ARHGAP42: variants seen among roughly 807,000 people sequenced by gnomAD.
ARHGAP42 encodes rho GTPase-activating protein 42.
ARHGAP42 carries 63 observed loss-of-function variants against 125.0 expected under a neutral mutation model. The observed-to-expected ratio is 0.50, with a 90% CI of 0.41 to 0.62. ARHGAP42 has a LOEUF of 0.62. ARHGAP42 is among the 20% of genes least tolerant of loss of function. ARHGAP42 has a pLI of 0.00. For synonymous variants in ARHGAP42, 339 were observed against 351.0 expected (o/e 0.97, Z 0.38); for missense variants, 766 against 1,024.2 (o/e 0.75, Z 3.44).
chr11:100,893,343 A>G (rs976887870), intron 4 of ARHGAP42, among the ~76,000 whole-genome samples: 1 of 152,134 alleles, frequency 6.6e-6, no homozygotes, highest in Non-Finnish European at 1.5e-5. Context: ...AGTATAGGAA[A>G]GAACAAATAG....
At chr11:100,719,839 C>T (rs1861730315) in intron 1 of ARHGAP42, among the ~76,000 whole-genome samples, 1 of 152,156 alleles carries the variant, frequency 6.6e-6, no homozygotes, top group Non-Finnish European at 1.5e-5. Flanking sequence ...GAGAAGTGTG[C>T]TTGAAAAGAG....
At chr11:100,872,623 C>T (rs559990406) in intron 4 of ARHGAP42, among the ~76,000 whole-genome samples, 5 of 152,112 alleles carry the variant, frequency 3.3e-5, no homozygotes, top group African/African-American at 9.7e-5. Flanking sequence ...GAACTCCTGA[C>T]GTCAGGTGAT....
intron 1 of ARHGAP42, among the ~76,000 whole-genome samples, chr11:100,747,831 C>CA (rs75695106): frequency 0.54 from 81,472 of 151,880 alleles, 22,444 homozygotes; most frequent in African/African-American, 0.68. Flanking sequence ...CCTTTTATAA[C>CA]TTTTTTTTCA....
In ARHGAP42 at chr11:100,733,930, G is replaced by GTTT. The variant is rs774845588; in HGVS notation, c.155-36392_155-36390dup. ...AGAAACTTCCTTCCAAAGCAAAGTTGTTTTTTTTTTTTTTTTTTTTTTTAA... is the reference window on the plus strand; with the variant it reads ...AGAAACTTCCTTCCAAAGCAAAGTTGTTTTTTTTTTTTTTTTTTTTTTTTTTAA... On this transcript the variant is annotated intron_variant, in intron 1 of 23. Coordinates refer to ENST00000298815, the MANE Select transcript of ARHGAP42 (RefSeq NM_152432.4). Among the ~76,000 whole-genome samples, 559 of 113,316 alleles carry GTTT rather than the reference G, an allele frequency of 4.9e-3. 10 individuals carry two copies. Among genetic ancestry groups the GTTT allele is most frequent in the African/African-American group, 0.016 (511 of 31,176 alleles). The allele number at this position is 113,316 out of a possible 152,430, so 74.3% of individuals were successfully genotyped here.
At chr11:100,936,019 G>A (rs527433) in intron 7 of ARHGAP42, among the ~76,000 whole-genome samples, 184 bp from the exon 8 acceptor site, 41,598 of 151,724 alleles carry the variant, frequency 0.27, 7,016 homozygotes, top group East Asian at 0.75. Context: ...CTGCTTGTGG[G>A]GACTGAGGCA....
chr11:100,708,122 T>G (rs1429645792), intron 1 of ARHGAP42, among the ~76,000 whole-genome samples: 1 of 152,190 alleles, frequency 6.6e-6, no homozygotes, highest in African/African-American at 2.4e-5. Context: ...TCCTCATTTT[T>G]GCAGTGTGGA....
In ARHGAP42 at chr11:100,976,962, C is replaced by G; in HGVS notation, c.2384C>G (p.Pro795Arg). The G allele has an allele frequency of 6.4e-7, 1 of 1,551,344 alleles. No homozygotes were observed. Among genetic ancestry groups the G allele is most frequent in the Non-Finnish European group, 8.7e-7 (1 of 1,146,770 alleles). ...GCCTCAAGCAATGGCTATCAGCGGC[C>G]TGGCTCAGTGTAAGTGAGCGTTTGT... ...DTASSNGYQR[P>R]GSVVAAKAQL... Residue 795 changes from proline to arginine, a missense_variant, in exon 21 of 24, where the codon CCT (proline) becomes CGT (arginine). Transcript: ENST00000298815.
At chr11:100,829,371 AAAAGACTTTC>A (rs1331952465) in intron 3 of ARHGAP42, among the ~76,000 whole-genome samples, 2 of 152,094 alleles carry the variant, frequency 1.3e-5, no homozygotes, top group Non-Finnish European at 2.9e-5. Context: ...AAAAAAAAAA[AAAAGACTTTC>A]AAGACTTTCA....
intron 10 of ARHGAP42, among the ~76,000 whole-genome samples, chr11:100,944,600 G>A (rs1867968958): frequency 6.6e-6 from 1 of 151,390 alleles, no homozygotes; most frequent in Non-Finnish European, 1.5e-5. Context: ...TTGCAGGTTA[G>A]GTTCCAAACC....
At chr11:100,691,098 G>A (rs926258691) in intron 1 of ARHGAP42, among the ~76,000 whole-genome samples, 1 of 152,144 alleles carries the variant, frequency 6.6e-6, no homozygotes, top group Non-Finnish European at 1.5e-5. Flanking sequence ...CATTAGGATT[G>A]TTTGCTCATT....
At chr11:100,718,619 A>G (rs1861706715) in intron 1 of ARHGAP42, among the ~76,000 whole-genome samples, 1 of 152,220 alleles carries the variant, frequency 6.6e-6, no homozygotes, top group African/African-American at 2.4e-5. Context: ...TGGATTTCAA[A>G]TGGTAAAATA....
intron 2 of ARHGAP42, among the ~76,000 whole-genome samples, chr11:100,783,075 C>T (rs544555916): frequency 1.3e-5 from 2 of 152,190 alleles, no homozygotes; most frequent in East Asian, 3.9e-4. Context: ...GGGTGATGAC[C>T]GTAAGATCCT....
chr11:100,722,994 A>G (rs897155383), intron 1 of ARHGAP42, among the ~76,000 whole-genome samples: 15 of 152,188 alleles, frequency 9.9e-5, no homozygotes, highest in African/African-American at 2.7e-4. Flanking sequence ...TGAAGTCTAT[A>G]TCTAGATTTA....
At chr11:100,909,859 AT>A (rs1231285487) in intron 4 of ARHGAP42, among the ~76,000 whole-genome samples, 1 of 152,132 alleles carries the variant, frequency 6.6e-6, no homozygotes, top group African/African-American at 2.4e-5. Flanking sequence ...ATTTTAATAT[AT>A]TTTTATCTTT....
chr11:100,960,232 AT>A (rs10644950), intron 13 of ARHGAP42, among the ~76,000 whole-genome samples: 2,930 of 147,484 alleles, frequency 0.02, 95 homozygotes, highest in African/African-American at 0.068. Flanking sequence ...CACCTCTTTG[AT>A]TTTTTTTTTT....
chr11:100,854,038 A>G (rs2135132123), intron 3 of ARHGAP42, among the ~76,000 whole-genome samples: 1 of 152,270 alleles, frequency 6.6e-6, no homozygotes, highest in East Asian at 1.9e-4. Flanking sequence ...AAGCTTTATA[A>G]GCAGGTCATG....
Position 100,965,705 on chromosome 11 carries a change from A to G in ARHGAP42, c.1479A>G (p.Val493=). The change falls in exon 17 of 24, where the codon GTA becomes GTG. Residue 493 remains valine (V), a synonymous_variant. Transcript: ENST00000298815. ...SDDQNYRVEA[V]HALVHKLPEK... ...ATCAAAACTACAGGGTGGAGGCTGT[A>G]CATGCATTGGTGCACAAATTGCCGG... is the stretch of plus-strand genomic sequence containing the variant. The G allele has an allele frequency of 1.3e-6, 2 of 1,550,900 alleles. No individual in the cohort carries two copies. Among genetic ancestry groups the G allele is most frequent in the Middle Eastern group, 1.9e-4 (1 of 5,254 alleles).
At chr11:100,760,458 G>A (rs978703699) in intron 1 of ARHGAP42, among the ~76,000 whole-genome samples, 23 of 152,128 alleles carry the variant, frequency 1.5e-4, no homozygotes, top group African/African-American at 5.6e-4. Context: ...CAGCACTTTG[G>A]GAGGCCAAGG....
intron 8 of ARHGAP42, among the ~76,000 whole-genome samples, chr11:100,939,511 G>C (rs558870327): frequency 6.6e-6 from 1 of 152,030 alleles, no homozygotes; most frequent in African/African-American, 2.4e-5. Context: ...TAGGTCACAG[G>C]CTCAGTTTTC....
Sources: allele counts gnomAD v4.1 joint callset (sites outside exome capture counted in the v4.1 genomes callset), GRCh38; gene constraint gnomAD v4.1.1; transcripts MANE v1.5; gene names NCBI Gene and HGNC (gene_info 2026-07-23, HGNC 2026-07-21).